The following CLIP2 variants were observed in gnomAD, a reference collection of about 807,000 sequenced individuals.
CLIP2 encodes CAP-Gly domain containing linker protein 2.
In CLIP2, 41 loss-of-function variants were observed where a neutral mutation model predicts 111.7. The observed-to-expected ratio is 0.37, with a 90% CI of 0.29 to 0.48. The LOEUF (loss-of-function observed/expected upper bound fraction) is 0.48. Ranked by LOEUF, CLIP2 falls within the 20% of genes least tolerant of loss-of-function variation. The pLI is 0.99. For missense variants in CLIP2, 1,160 were observed against 1,422.1 expected (o/e 0.82, Z 2.96); for synonymous variants, 660 against 644.2 (o/e 1.02, Z -0.37).
intron 3 of CLIP2, among the ~76,000 whole-genome samples, chr7:74,343,620 C>T (rs781964851): frequency 1.1e-4 from 16 of 151,826 alleles, no homozygotes; most frequent in African/African-American, 3.1e-4. Flanking sequence ...CAGCCGGGCA[C>T]GGTGGCTCGT....
chr7:74,298,507 G>T (rs1439945740), intron 1 of CLIP2, among the ~76,000 whole-genome samples: 1 of 150,778 alleles, frequency 6.6e-6, no homozygotes, highest in Non-Finnish European at 1.5e-5. Flanking sequence ...CCTGGCCCCT[G>T]TCTCTATTTT....
intron 2 of CLIP2, among the ~76,000 whole-genome samples, chr7:74,336,855 T>G (rs1433532799): frequency 8.1e-5 from 2 of 24,750 alleles, no homozygotes; most frequent in African/African-American, 1.4e-4. Context: ...TTGTTTGTTT[T>G]TTTTGTTTTT....
At chr7:74,312,738 G>A (rs1788672713) in intron 1 of CLIP2, among the ~76,000 whole-genome samples, 1 of 152,156 alleles carries the variant, frequency 6.6e-6, no homozygotes, top group Admixed American at 6.5e-5. Flanking sequence ...TAGCAGCCCT[G>A]AGGGCCAGGG....
At chr7:74,352,200 C>T (rs1290158222) in intron 3 of CLIP2, among the ~76,000 whole-genome samples, 1 of 151,878 alleles carries the variant, frequency 6.6e-6, no homozygotes. Flanking sequence ...TTTGGGAGGC[C>T]AAGGCAGGTG....
intron 3 of CLIP2, among the ~76,000 whole-genome samples, chr7:74,343,491 C>A (rs1328839375): frequency 6.6e-6 from 1 of 152,058 alleles, no homozygotes; most frequent in East Asian, 1.9e-4. Flanking sequence ...AGAGCCTCAT[C>A]TTCATTCATT....
chr7:74,336,772 A>G (rs499394), intron 2 of CLIP2, among the ~76,000 whole-genome samples: 93,132 of 151,440 alleles, frequency 0.61, 30,550 homozygotes, highest in Middle Eastern at 0.75. Flanking sequence ...AATGGGGGCA[A>G]TTGGGGATCA....
rs1315900692 is a variant in CLIP2 at position 74,338,810 on chromosome 7, G to A, written c.484G>A (p.Glu162Lys). 6.2e-7 allele frequency: 1 copy of A among 1,611,170 alleles called. No homozygotes were observed. Among genetic ancestry groups the A allele is most frequent in the Non-Finnish European group, 8.5e-7 (1 of 1,179,874 alleles). ...CTCGGGGAGTGATGCCCACTCCGTG[G>A]AGTCGCTGACTGCCCAGAACCTGTC... ...EGSGSDAHSVESLTAQNLSLH... is the reference protein window; with the variant it reads ...EGSGSDAHSVKSLTAQNLSLH... Residue 162 changes from glutamate (E) to lysine (K), a missense_variant, in exon 3 of 17, where the codon GAG becomes AAG. By Grantham distance (56) the Glu-to-Lys change is moderately conservative. Transcript: ENST00000223398. This position sits in a 1 kb window ranked among gnomAD's most constrained non-coding sequence, Gnocchi z 4.3.
At chr7:74,307,824 G>GT (rs1788536530) in intron 1 of CLIP2, among the ~76,000 whole-genome samples, 1 of 152,142 alleles carries the variant, frequency 6.6e-6, no homozygotes, top group Non-Finnish European at 1.5e-5. Flanking sequence ...GCTGCTGGGG[G>GT]GTGGTTCAGG....
intron 7 of CLIP2, 62 bp from the exon 8 acceptor site, chr7:74,364,193 A>G: frequency 1.3e-6 from 2 of 1,482,806 alleles, no homozygotes; most frequent in Admixed American, 1.8e-5. Flanking sequence ...GCTGTTGCTC[A>G]TTCGGTGAAT....
intron 1 of CLIP2, among the ~76,000 whole-genome samples, chr7:74,301,428 G>C (rs550250015): frequency 6.6e-6 from 1 of 152,218 alleles, no homozygotes; most frequent in African/African-American, 2.4e-5. Context: ...TTGTTGCCAG[G>C]CTGCAGTGCA....
chr7:74,373,172 T>G, intron 9 of CLIP2, 136 bp downstream of exon 9: 2 of 605,808 alleles, frequency 3.3e-6, no homozygotes, highest in Non-Finnish European at 2.9e-6. Flanking sequence ...TATTTTTGCA[T>G]CCCCTTGGAG....
At chr7:74,326,545 T>C (rs1554730680) in intron 2 of CLIP2, among the ~76,000 whole-genome samples, 1 of 152,078 alleles carries the variant, frequency 6.6e-6, no homozygotes. Context: ...TACCCACCCT[T>C]AGACGGGGAG....
intron 1 of CLIP2, among the ~76,000 whole-genome samples, chr7:74,316,622 C>T (rs1027749079): frequency 1.3e-5 from 2 of 150,600 alleles, no homozygotes; most frequent in East Asian, 2.0e-4. Flanking sequence ...AGTGCAGCAG[C>T]GTGACCTCGG....
At chr7:74,399,542 T>TG (rs111225920) in intron 14 of CLIP2, among the ~76,000 whole-genome samples, 7,448 of 44,490 alleles carry the variant, frequency 0.17, 1,181 homozygotes, top group Non-Finnish European at 0.28. Context: ...AGTCTTTTTT[T>TG]GGGGGGGGGG....
chr7:74,373,595 TG>T (rs1293947218), intron 9 of CLIP2, among the ~76,000 whole-genome samples: 1 of 152,174 alleles, frequency 6.6e-6, no homozygotes, highest in African/African-American at 2.4e-5. Context: ...TTTTGGGACT[TG>T]GCTCCCCAGC....
intron 11 of CLIP2, among the ~76,000 whole-genome samples, chr7:74,382,471 A>ATTT (rs35499422): frequency 3.1e-5 from 4 of 129,174 alleles, no homozygotes; most frequent in Non-Finnish European, 5.0e-5. Context: ...TGCCCTGCTA[A>ATTT]TTTTTTTTTT....
chr7:74,349,984 G>C (rs1734671875), intron 3 of CLIP2, among the ~76,000 whole-genome samples: 1 of 151,950 alleles, frequency 6.6e-6, no homozygotes, highest in African/African-American at 2.4e-5. Context: ...ATAGACTAAG[G>C]GTTGTCAGGG....
chr7:74,353,411 C>CGGCTAATTTTTGTATTTATAGTAGA (rs1790067051), intron 3 of CLIP2, among the ~76,000 whole-genome samples: 1 of 151,942 alleles, frequency 6.6e-6, no homozygotes, highest in Non-Finnish European at 1.5e-5. Context: ...CCACCAGGCC[C>CGGCTAATTTTTGTATTTATAGTAGA]GGCTAATTTT....
chr7:74,301,109 T>G (rs1788322996), intron 1 of CLIP2, among the ~76,000 whole-genome samples: 1 of 152,224 alleles, frequency 6.6e-6, no homozygotes, highest in Non-Finnish European at 1.5e-5. Context: ...TTCAGGCTTT[T>G]GAATAATAGC....
Sources: gnomAD v4.1 joint callset for allele counts (sites outside exome capture counted in the v4.1 genomes callset) on GRCh38, gnomAD v4.1.1 for gene constraint, Gnocchi (gnomAD v3.1) non-coding constraint, MANE v1.5 for transcripts, NCBI Gene and HGNC (gene_info 2026-07-23, HGNC 2026-07-21) for gene names.